ZPBP: variants seen among roughly 807,000 people sequenced by gnomAD.
ZPBP encodes zona pellucida-binding protein 1.
A neutral mutation model predicts 44.8 loss-of-function variants in ZPBP; 26 were observed. The ratio of observed to expected loss-of-function variants is 0.58; its 90% confidence interval spans 0.43 to 0.81. The LOEUF is 0.81. Among genes scored for constraint, ZPBP ranks in the 30% least tolerant of loss-of-function variants. ZPBP has a pLI of 0.00. For synonymous variants in ZPBP, 174 were observed against 153.2 expected, an observed-to-expected ratio of 1.14 and a Z score of -1.00; for missense variants, 409 against 434.0, an observed-to-expected ratio of 0.94 and a Z score of 0.51.
At position 49,861,237 on chromosome 7, in the gene ZPBP, G is replaced by A. The variant is rs80340055; in HGVS notation, n.510-10723C>T. Among the ~76,000 whole-genome samples, 417 of 152,158 alleles carry A rather than the reference G, an allele frequency of 2.7e-3. 1 individual carries two copies. Among genetic ancestry groups the A allele is most frequent in the Non-Finnish European group, 5.1e-3 (349 of 68,000 alleles). On this transcript the variant is annotated intron_variant and non_coding_transcript_variant, in intron 2 of 2. Transcript: ENST00000465922. ...GTAAAATGGAATCCTATTGTGGTTTGTATTTGCATTTTCCTAATGATTAAT... is the reference window on the plus strand; with the variant it reads ...GTAAAATGGAATCCTATTGTGGTTTATATTTGCATTTTCCTAATGATTAAT...
intron 2 of ZPBP, among the ~76,000 whole-genome samples, chr7:49,892,685 T>C (rs1314857994): frequency 1.3e-5 from 2 of 152,254 alleles, no homozygotes; most frequent in Non-Finnish European, 2.9e-5. Flanking sequence ...GTGAGTTAGC[T>C]TGTGCAAGCC....
intron 2 of ZPBP, among the ~76,000 whole-genome samples, chr7:49,867,319 C>T (rs1222269510): frequency 6.6e-6 from 1 of 152,112 alleles, no homozygotes; most frequent in Non-Finnish European, 1.5e-5. Context: ...AAAGAAGAAG[C>T]ATGAGAAACT....
chr7:50,037,001 T>C (rs1240269072), intron 4 of ZPBP, among the ~76,000 whole-genome samples: 2 of 151,860 alleles, frequency 1.3e-5, no homozygotes, highest in African/African-American at 2.4e-5. Context: ...ATTTAATATA[T>C]AAAGAAAAAA....
chr7:49,958,936 T>A (rs1440322279), intron 7 of ZPBP, among the ~76,000 whole-genome samples: 2 of 151,982 alleles, frequency 1.3e-5, no homozygotes, highest in Non-Finnish European at 2.9e-5. Flanking sequence ...AAAATACTCT[T>A]GAAAAAGGTA....
intron 7 of ZPBP, among the ~76,000 whole-genome samples, chr7:49,965,675 T>G (rs1796029290): frequency 6.6e-6 from 1 of 151,978 alleles, no homozygotes; most frequent in East Asian, 1.9e-4. Context: ...ATAAGCATAA[T>G]AATAGTGTAG....
chr7:49,847,925 G>T (rs1790012395), downstream of ZPBP, among the ~76,000 whole-genome samples: 1 of 152,166 alleles, frequency 6.6e-6, no homozygotes, highest in Admixed American at 6.5e-5. Flanking sequence ...CTATCTCCTG[G>T]AATGGGTTAG....
At chr7:49,944,079 G>A (rs1794999298) in intron 7 of ZPBP, 1 of 230,292 alleles carries the variant, frequency 4.3e-6, no homozygotes, top group Admixed American at 5.6e-5. Flanking sequence ...CAATCTTAGA[G>A]AAGAGACATT....
At chr7:49,982,381 T>C (rs1354748392) in intron 7 of ZPBP, among the ~76,000 whole-genome samples, 1 of 131,666 alleles carries the variant, frequency 7.6e-6, no homozygotes, top group African/African-American at 2.8e-5. Context: ...ACATAATATA[T>C]ATAATCACTG....
intron 6 of ZPBP, among the ~76,000 whole-genome samples, chr7:50,015,988 G>A (rs1798802866): frequency 6.6e-6 from 1 of 152,146 alleles, no homozygotes; most frequent in South Asian, 2.1e-4. Flanking sequence ...TTTAGCCACT[G>A]TGGGAAGCAG....
At chr7:50,057,965 AAC>A in intron 4 of ZPBP, 22 bp downstream of exon 4, 1 of 1,597,416 alleles carries the variant, frequency 6.3e-7, no homozygotes, top group South Asian at 1.1e-5. Context: ...GAAAGGTTAA[AAC>A]ACAACTAACT....
At chr7:49,906,773 A>C (rs2128740020) in intron 1 of ZPBP, among the ~76,000 whole-genome samples, 1 of 152,360 alleles carries the variant, frequency 6.6e-6, no homozygotes, top group Admixed American at 6.5e-5. Flanking sequence ...TCTTATGTGA[A>C]ACAGCTTGTA....
At chr7:49,842,000 G>A in the ZPBP span, among the ~76,000 whole-genome samples, 1 of 152,024 alleles carries the variant, frequency 6.6e-6, no homozygotes, top group African/African-American at 2.4e-5. Flanking sequence ...CTGAGTAGCT[G>A]GGATTACAGG....
chr7:50,047,044 A>G (rs1800406167), intron 4 of ZPBP, among the ~76,000 whole-genome samples: 1 of 152,110 alleles, frequency 6.6e-6, no homozygotes, highest in Admixed American at 6.6e-5. Context: ...TTAACACAGG[A>G]ACAGAAAACC....
chr7:49,966,096 T>G (rs1796048383), intron 7 of ZPBP, among the ~76,000 whole-genome samples: 1 of 152,068 alleles, frequency 6.6e-6, no homozygotes, highest in South Asian at 2.1e-4. Flanking sequence ...TTTATATACT[T>G]AATAACAGAA....
chr7:49,869,456 G>A (rs1477067981), intron 2 of ZPBP, among the ~76,000 whole-genome samples: 1 of 152,132 alleles, frequency 6.6e-6, no homozygotes, highest in East Asian at 1.9e-4. Context: ...TAGCAAATCG[G>A]ATATAGGGAA....
intron 6 of ZPBP, among the ~76,000 whole-genome samples, chr7:50,005,683 A>G (rs1034267916): frequency 6.6e-6 from 1 of 151,946 alleles, no homozygotes; most frequent in Non-Finnish European, 1.5e-5. Context: ...GAGATCAACT[A>G]CACAAAAAGG....
intron 7 of ZPBP, among the ~76,000 whole-genome samples, chr7:49,970,553 T>C (rs1796260771): frequency 6.9e-6 from 1 of 144,384 alleles, no homozygotes; most frequent in African/African-American, 2.6e-5. Context: ...ATAGATCATG[T>C]GCTTAATCAC....
At chr7:49,940,918 TATAAC>T (rs1289972865) in intron 7 of ZPBP, among the ~76,000 whole-genome samples, 1 of 151,840 alleles carries the variant, frequency 6.6e-6, no homozygotes, top group African/African-American at 2.4e-5. Flanking sequence ...TCCTGAAAAA[TATAAC>T]ATAACATGTA....
At chr7:50,092,554 G>A (rs1197961134) in intron 1 of ZPBP, among the ~76,000 whole-genome samples, 2 of 152,174 alleles carry the variant, frequency 1.3e-5, no homozygotes, top group African/African-American at 4.8e-5. Flanking sequence ...GTCAGTGTTT[G>A]TTCATCAGTA....
Sources: allele counts gnomAD v4.1 joint callset (sites outside exome capture counted in the v4.1 genomes callset), GRCh38; gene constraint gnomAD v4.1.1; transcripts MANE v1.5; gene names NCBI Gene and HGNC (gene_info 2026-07-23, HGNC 2026-07-21).